The following PARP8 variants were observed in gnomAD, a reference collection of about 807,000 sequenced individuals.
The protein encoded by PARP8 is poly(ADP-ribose) polymerase family member 8.
Under a neutral mutation model 124.1 loss-of-function variants are expected in PARP8, and 51 were observed. The ratio of observed to expected loss-of-function variants is 0.41; its 90% CI spans 0.33 to 0.52. PARP8 has a LOEUF of 0.52. Among genes scored for constraint, PARP8 ranks in the 20% least tolerant of loss-of-function variants. PARP8 has a pLI of 0.21. For missense variants in PARP8, 860 were observed against 1,018.9 expected, an observed-to-expected ratio of 0.84 and a Z score of 2.12; for synonymous variants, 391 against 361.5, an observed-to-expected ratio of 1.08 and a Z score of -0.93.
chr5:50,667,666 G>C, intron 1 of PARP8: 1 of 699,694 alleles, frequency 1.4e-6, no homozygotes, highest in Non-Finnish European at 2.6e-6. Flanking sequence ...GGCCCCTTCG[G>C]CTCCCTCTAG....
chr5:50,690,010 C>T lies in PARP8; in HGVS notation c.146+21885C>T, dbSNP rs1031355758. 8.5e-5 allele frequency among the ~76,000 whole-genome samples: 13 copies of T among 152,282 alleles called. 1 individual carries two copies. In the East Asian group the frequency reaches 2.5e-3, roughly 29 times the overall value. ...CCATCTATTTCTGTTCTCTCATTCC[C>T]TTGCTCTTCTACTTCTCTGTGAACC... On this transcript the variant is annotated intron_variant, in intron 2 of 25. Transcript: ENST00000281631.
intron 14 of PARP8, among the ~76,000 whole-genome samples, chr5:50,798,065 T>A (rs1742756155): frequency 6.6e-6 from 1 of 152,244 alleles, no homozygotes; most frequent in Admixed American, 6.5e-5. Flanking sequence ...TTGTACAGTA[T>A]GTGGGCTTTT....
chr5:50,671,544 G>A (rs1277164360), intron 2 of PARP8, among the ~76,000 whole-genome samples: 3 of 151,496 alleles, frequency 2.0e-5, no homozygotes, highest in African/African-American at 4.8e-5. Flanking sequence ...GAAGAAATAC[G>A]CCAAAAAGAA....
In PARP8 at chr5:50,666,921, C is replaced by CCCT. The variant is rs1223957701; in HGVS notation, c.-161_-159dup. On this transcript the variant is annotated 5_prime_UTR_variant, in exon 1 of 26. Transcript: ENST00000281631. The stretch of plus-strand genomic sequence containing the variant: ...GACCTCCCCCTCCTCCTCCTCCTCC[C>CCCT]CCTCCTCCTCCTCCTCTTCTCTCAC... 6.5e-6 allele frequency: 4 copies of CCCT among 617,194 alleles called. No homozygotes were observed. Among genetic ancestry groups the CCCT allele is most frequent in the Non-Finnish European group, 6.3e-6 (3 of 478,398 alleles). The allele number at this position is 617,194 out of a possible 1,614,324, so 38.2% of individuals were successfully genotyped here. A position where few individuals can be genotyped will look rare whatever the true frequency, so the allele number is the denominator to read the frequency against.
At chr5:50,813,186 T>C (rs993813802) in intron 14 of PARP8, among the ~76,000 whole-genome samples, 83 of 152,328 alleles carry the variant, frequency 5.4e-4, no homozygotes, top group African/African-American at 1.8e-3. Context: ...CCTTGGGCAG[T>C]ATGGCTATTT....
At position 50,773,273 on chromosome 5, in the gene PARP8, C is replaced by T. The variant is rs190219335; in HGVS notation, c.519-4796C>T. Among the ~76,000 whole-genome samples the T allele has an allele frequency of 1.6e-3, 248 of 152,280 alleles. 1 individual carries two copies. Among genetic ancestry groups the T allele is most frequent in the African/African-American group, 5.6e-3 (234 of 41,550 alleles). On this transcript the variant is annotated intron_variant, in intron 7 of 25. Transcript: ENST00000281631. ...GCCAGACAAATGCCATGAAGCATTT[C>T]CCCTATGTTTTCTTCCAGTAATTTT...
At chr5:50,695,825 G>A (rs1472223169) in intron 2 of PARP8, among the ~76,000 whole-genome samples, 6 of 152,056 alleles carry the variant, frequency 3.9e-5, no homozygotes, top group Non-Finnish European at 5.9e-5. Context: ...TTGTGATTTA[G>A]AGCTGCTATG....
intron 2 of PARP8, among the ~76,000 whole-genome samples, chr5:50,708,805 C>G (rs1754426028): frequency 6.6e-6 from 1 of 151,444 alleles, no homozygotes; most frequent in Non-Finnish European, 1.5e-5. Flanking sequence ...TTTTTAGAGA[C>G]AGTGTCTTAC....
rs77232168 is a variant in PARP8, at chr5:50,689,925, T to G, written c.146+21800T>G. On this transcript the variant is annotated intron_variant, in intron 2 of 25. Coordinates refer to ENST00000281631, the MANE Select transcript of PARP8 (RefSeq NM_024615.4). ...GCTGGGACTGGCATTTTTGGGAACATTCCACTGTACCTCACGTCCATTCTT... is the reference window on the plus strand; with the variant it reads ...GCTGGGACTGGCATTTTTGGGAACAGTCCACTGTACCTCACGTCCATTCTT... Among the ~76,000 whole-genome samples, 1,136 of 152,284 alleles carry G rather than the reference T, an allele frequency of 7.5e-3. 14 individuals are homozygous for G. The highest frequency in any genetic ancestry group is 0.026 in the African/African-American group (1,066 of 41,560).
chr5:50,729,883 T>G (rs1160830686), intron 2 of PARP8, among the ~76,000 whole-genome samples: 1 of 152,212 alleles, frequency 6.6e-6, no homozygotes, highest in African/African-American at 2.4e-5. Context: ...TTGAAACATT[T>G]TCTATCTTTT....
chr5:50,685,698 G>A lies in PARP8; in HGVS notation c.146+17573G>A, dbSNP rs142695753. 6.7e-3 allele frequency among the ~76,000 whole-genome samples: 1,026 copies of A among 152,280 alleles called. 17 individuals carry two copies. Among genetic ancestry groups the A allele is most frequent in the African/African-American group, 0.024 (985 of 41,554 alleles). On this transcript the variant is annotated intron_variant, in intron 2 of 25. Transcript: ENST00000281631. Reference sequence around the variant, plus strand: ...TGCTGATAAAGACATACCCATGACTGGGCAATTTACAAAAGAAAGAGGTTT... The same window carrying A: ...TGCTGATAAAGACATACCCATGACTAGGCAATTTACAAAAGAAAGAGGTTT...
chr5:50,689,256 T>C (rs1174986902), intron 2 of PARP8, among the ~76,000 whole-genome samples: 1 of 152,212 alleles, frequency 6.6e-6, no homozygotes, highest in Non-Finnish European at 1.5e-5. Context: ...GCTTTGATTT[T>C]CTTGGCCAAC....
intron 23 of PARP8, 73 bp downstream of exon 23, chr5:50,832,927 A>G (rs1662119614): frequency 1.4e-6 from 2 of 1,413,178 alleles, no homozygotes; most frequent in Middle Eastern, 1.8e-4. Flanking sequence ...GCATGGAAAA[A>G]TAGGCTTTTT....
Position 50,726,332 on chromosome 5 carries a change from A to G in PARP8, c.147-23819A>G, listed in dbSNP as rs371521386. Among the ~76,000 whole-genome samples, 9 of 152,274 alleles carry G rather than the reference A, an allele frequency of 5.9e-5. No individual in the cohort carries two copies. The East Asian group carries it at 1.7e-3, about 29-fold the overall frequency. On this transcript the variant is annotated intron_variant, in intron 2 of 25. Coordinates refer to ENST00000281631, the MANE Select transcript of PARP8 (RefSeq NM_024615.4). ...CAAAAAAGGTGTTCAGTAAAAATCT[A>G]TCCAATGGAGGATGTATGTGTAATC...
At chr5:50,718,379 G>C (rs1433190624) in intron 2 of PARP8, among the ~76,000 whole-genome samples, 1 of 151,856 alleles carries the variant, frequency 6.6e-6, no homozygotes, top group African/African-American at 2.4e-5. Flanking sequence ...ATGTCTTATT[G>C]ACTAAATAGA....
chr5:50,794,115 T>G, intron 10 of PARP8, 92 bp from the exon 11 acceptor site: 1 of 1,368,224 alleles, frequency 7.3e-7, no homozygotes, highest in Non-Finnish European at 9.9e-7. Context: ...TTTGCATTTA[T>G]TTGATAAATG....
At chr5:50,787,131 C>T (rs968408399) in intron 9 of PARP8, among the ~76,000 whole-genome samples, 7 of 152,138 alleles carry the variant, frequency 4.6e-5, no homozygotes, top group Non-Finnish European at 1.5e-5. Context: ...TACCTCAAAT[C>T]CAGTCCACCC....
At chr5:50,679,109 A>G (rs1750987229) in intron 2 of PARP8, among the ~76,000 whole-genome samples, 1 of 152,106 alleles carries the variant, frequency 6.6e-6, no homozygotes, top group African/African-American at 2.4e-5. Context: ...TTACTTTCTT[A>G]ATAAACTTGC....
At chr5:50,689,590 C>T (rs948684308) in intron 2 of PARP8, among the ~76,000 whole-genome samples, 1 of 152,212 alleles carries the variant, frequency 6.6e-6, no homozygotes, top group African/African-American at 2.4e-5. Flanking sequence ...ATTTCATGGA[C>T]TCACATTAGT....
Sources: allele counts gnomAD v4.1 joint callset (sites outside exome capture counted in the v4.1 genomes callset), GRCh38; gene constraint gnomAD v4.1.1; transcripts MANE v1.5; gene names NCBI Gene and HGNC (gene_info 2026-07-23, HGNC 2026-07-21).